The following SCAF1 variants were observed in gnomAD, a reference collection of about 807,000 sequenced individuals.
SCAF1 encodes the protein splicing factor, arginine/serine-rich 19.
Under a neutral mutation model 91.2 loss-of-function variants are expected in SCAF1, and 28 were observed. The observed-to-expected ratio is 0.31, with a 90% CI of 0.23 to 0.42. The LOEUF is 0.42. SCAF1 is among the 10% of genes least tolerant of loss of function. SCAF1 has a pLI of 1.00. For synonymous variants in SCAF1, 1,036 were observed against 833.7 expected, an observed-to-expected ratio of 1.24 and a Z score of -4.18; for missense variants, 1,893 against 1,872.1, an observed-to-expected ratio of 1.01 and a Z score of -0.21.
chr19:49,657,995 G>T (rs918677362), intron 10 of SCAF1, 106 bp downstream of exon 10: 1 of 1,442,874 alleles, frequency 6.9e-7, no homozygotes, highest in Admixed American at 2.1e-5. Context: ...GAGGAGGTCA[G>T]TCTGGGAGGT....
At position 49,646,975 on chromosome 19, in the gene SCAF1, G is replaced by T; in HGVS notation, c.478+145G>T. 1 of 655,290 alleles carries T rather than the reference G, an allele frequency of 1.5e-6. No individual in the cohort carries two copies. Among genetic ancestry groups the T allele is most frequent in the Non-Finnish European group, 2.6e-6 (1 of 385,658 alleles). 40.6% of individuals were successfully genotyped at this position (655,290 alleles called of 1,614,324 possible). A position where few individuals can be genotyped will look rare whatever the true frequency, so the allele number is the denominator to read the frequency against. The stretch of plus-strand genomic sequence containing the variant: ...GTATTAGACGTGATTAAGGCTGTAG[G>T]CGCATACAGATGTACATAAAGTAAA... On this transcript the variant is annotated intron_variant, in intron 6 of 10. Transcript: ENST00000360565. This position sits in a 1 kb window ranked among gnomAD's most constrained non-coding sequence, Gnocchi z 5.6.
Position 49,657,760 on chromosome 19 carries a change from G to A in SCAF1, c.3619-1G>A, listed in dbSNP as rs1364155173. The A allele has an allele frequency of 6.3e-7, 1 of 1,599,258 alleles. No homozygotes were observed. The highest frequency in any genetic ancestry group is 2.3e-5 in the East Asian group (1 of 44,332). On this transcript the variant is annotated splice_acceptor_variant, in intron 9 of 10. Transcript: ENST00000360565. LOFTEE classifies it high-confidence loss of function. ...TTCCCCCGCTGTCGCCACCCCACCAGTATCTGAAGAAGCTGCACACGCAGG... is the reference window on the plus strand; with the variant it reads ...TTCCCCCGCTGTCGCCACCCCACCAATATCTGAAGAAGCTGCACACGCAGG...
rs1257141798 is a variant in SCAF1 at position 49,645,774 on chromosome 19, C to T, written c.167-334C>T. ...CAGGCCTACAGCACGGGTGCAGCGG[C>T]GAGGGGCTGCGCTGGGCTTCCTTGG... On this transcript the variant is annotated intron_variant, in intron 3 of 10. Transcript: ENST00000360565. This position sits in a 1 kb window ranked among gnomAD's most constrained non-coding sequence, Gnocchi z 4.6. Among the ~76,000 whole-genome samples the T allele has an allele frequency of 2.0e-5, 3 of 152,038 alleles. No homozygotes were observed. Among genetic ancestry groups the T allele is most frequent in the Non-Finnish European group, 2.9e-5 (2 of 67,988 alleles).
chr19:49,645,665 C>G lies in SCAF1; in HGVS notation c.166+254C>G, dbSNP rs1031082691. Among the ~76,000 whole-genome samples, 2 of 152,170 alleles carry G rather than the reference C, an allele frequency of 1.3e-5. No homozygotes were observed. The highest frequency in any genetic ancestry group is 4.8e-5 in the African/African-American group (2 of 41,442). On this transcript the variant is annotated intron_variant, in intron 3 of 10. Transcript: ENST00000360565. This position sits in a 1 kb window ranked among gnomAD's most constrained non-coding sequence, Gnocchi z 4.6. ...GTGGGAGACGGGTCAGGGCACCTTC[C>G]CCGAGCAGGGACAGTGAACGGCTCT...
Position 49,651,843 on chromosome 19 carries a change from A to G in SCAF1, c.1454A>G (p.Lys485Arg). The G allele has an allele frequency of 8.0e-7, 1 of 1,251,426 alleles. No individual in the cohort carries two copies. The allele number at this position is 1,251,426 out of a possible 1,614,324, so 77.5% of individuals were successfully genotyped here. Residue 485 changes from lysine (K) to arginine (R), a missense_variant, in exon 7 of 11, where the codon AAG (lysine) becomes AGG (arginine). This residue lies in a region of SCAF1 where 1,436 missense variants were observed against 1,306.8 expected (regional missense o/e 1.10). Coordinates refer to ENST00000360565, the MANE Select transcript of SCAF1 (RefSeq NM_021228.3). ...SRWGGLDLRRKILTQRRERYR... is the reference protein window; with the variant it reads ...SRWGGLDLRRRILTQRRERYR... ...TGGGGCGGCCTGGACCTGCGCCGCAAGATCCTGACCCAACGGCGGGAGCGC... is the reference window on the plus strand; with the variant it reads ...TGGGGCGGCCTGGACCTGCGCCGCAGGATCCTGACCCAACGGCGGGAGCGC...
At chr19:49,654,265 A>G in intron 7 of SCAF1, 84 bp from the exon 8 acceptor site, 1 of 1,168,036 alleles carries the variant, frequency 8.6e-7, no homozygotes, top group Non-Finnish European at 1.3e-6. Context: ...GCAGGAGATG[A>G]CAGCAGGTGT....
Position 49,658,201 on chromosome 19 carries a change from C to G in SCAF1, c.3748-7C>G. 1.2e-6 allele frequency: 2 copies of G among 1,609,144 alleles called. No homozygotes were observed. Among genetic ancestry groups the G allele is most frequent in the Non-Finnish European group, 1.7e-6 (2 of 1,176,620 alleles). ...GGTGGTGACTCCAACTGTCCCCGGC[C>G]CCCCAGATCTGCCACAGCAAAAGTG... On this transcript the variant is annotated splice_region_variant and splice_polypyrimidine_tract_variant and intron_variant, in intron 10 of 10. Coordinates refer to ENST00000360565, the MANE Select transcript of SCAF1 (RefSeq NM_021228.3).
At chr19:49,647,069 T>C (rs2081060090) in intron 6 of SCAF1, among the ~76,000 whole-genome samples, 1 of 152,238 alleles carries the variant, frequency 6.6e-6, no homozygotes, top group African/African-American at 2.4e-5. Flanking sequence ...CGCTAAGTAT[T>C]AGTGTCACTG....
intron 8 of SCAF1, 61 bp from the exon 9 acceptor site, chr19:49,654,591 G>T (rs2081126607): frequency 1.4e-6 from 2 of 1,398,506 alleles, no homozygotes; most frequent in African/African-American, 2.8e-5. Flanking sequence ...ACAGTGGGGT[G>T]CACGTCCCCT....
At position 49,652,338 on chromosome 19, in the gene SCAF1, G is replaced by A. The variant is rs868253557; in HGVS notation, c.1949G>A (p.Arg650Gln). 1.3e-6 allele frequency: 2 copies of A among 1,536,332 alleles called. No homozygotes were observed. The highest frequency in any genetic ancestry group is 2.5e-5 in the East Asian group (1 of 40,622). Reference sequence around the variant, plus strand: ...AAGAAGAAGAAGCGGTCGCGGTCCCGGGGTGAGAAGCGGTCTGGGGATGGC... The same window carrying A: ...AAGAAGAAGAAGCGGTCGCGGTCCCAGGGTGAGAAGCGGTCTGGGGATGGC... ...SKKKKKRSRS[R>Q]GEKRSGDGSE... Residue 650 changes from arginine to glutamine, a missense_variant, in exon 7 of 11, where the codon CGG (arginine) becomes CAG (glutamine). Physicochemically the swap from Arg to Gln is conservative, Grantham distance 43. Around this residue, in one of 5 missense-constraint regions of SCAF1, gnomAD observed 1,436 missense variants for 1,306.8 expected, o/e 1.10. Transcript: ENST00000360565.
At chr19:49,655,932 A>G (rs1183240743) in intron 9 of SCAF1, among the ~76,000 whole-genome samples, 4 of 152,180 alleles carry the variant, frequency 2.6e-5, no homozygotes, top group Non-Finnish European at 2.9e-5. Context: ...CAGCCTCCCA[A>G]AGTGCTGGGA....
chr19:49,651,411 C>A lies in SCAF1; in HGVS notation c.1022C>A (p.Ser341Tyr). 2.5e-6 allele frequency: 4 copies of A among 1,606,120 alleles called. No individual in the cohort carries two copies. Among genetic ancestry groups the A allele is most frequent in the Non-Finnish European group, 3.4e-6 (4 of 1,177,536 alleles). ...CCTGGAACGCCGCCCCAGGTGGACT[C>A]CACCCGGGCTGATGGAGCCATGCGC... The part of the protein sequence containing the change: ...PAPGTPPQVD[S>Y]TRADGAMRRR... Residue 341 changes from serine to tyrosine, a missense_variant, in exon 7 of 11, where the codon TCC (serine) becomes TAC (tyrosine). Transcript: ENST00000360565.
Position 49,658,457 on chromosome 19 carries a change from TCCACCTCC to T in SCAF1, c.*68_*75del, listed in dbSNP as rs2081162039. ...TTGAAACTCTGGACGTATTTATGGC[TCCACCTCC>T]CCACCTCCCTCCCCCGTCAGTGGGA... On this transcript the variant is annotated 3_prime_UTR_variant, in exon 11 of 11. Coordinates refer to ENST00000360565, the MANE Select transcript of SCAF1 (RefSeq NM_021228.3). The T allele has an allele frequency of 1.0e-6, 1 of 953,334 alleles. No homozygotes were observed. The highest frequency in any genetic ancestry group is 1.6e-6 in the Non-Finnish European group (1 of 644,544). 59.1% of individuals were successfully genotyped at this position (953,334 alleles called of 1,614,324 possible). A position where few individuals can be genotyped will look rare whatever the true frequency, so the allele number is the denominator to read the frequency against.
At position 49,651,802 on chromosome 19, in the gene SCAF1, C is replaced by T. The variant is rs1343142371; in HGVS notation, c.1413C>T (p.Pro471=). ...VDLGEPAPAP[P]AADSRWGGLD... ...TAGGGGAGCCGGCTCCCGCGCCGCCCGCCGCCGACTCGCGCTGGGGCGGCC... is the reference window on the plus strand; with the variant it reads ...TAGGGGAGCCGGCTCCCGCGCCGCCTGCCGCCGACTCGCGCTGGGGCGGCC... Residue 471 remains proline (P), a synonymous_variant, in exon 7 of 11, where the codon CCC becomes CCT. Transcript: ENST00000360565. 8 of 1,269,554 alleles carry T rather than the reference C, an allele frequency of 6.3e-6. No homozygotes were observed. The South Asian group carries it at 1.1e-4, about 17-fold the overall frequency. The allele number at this position is 1,269,554 out of a possible 1,614,324, so 78.6% of individuals were successfully genotyped here.
chr19:49,652,828 C>G lies in SCAF1; in HGVS notation c.2439C>G (p.Val813=). The change falls in exon 7 of 11, where the codon GTC becomes GTG. Residue 813 remains valine (V), a synonymous_variant. Coordinates refer to ENST00000360565, the MANE Select transcript of SCAF1 (RefSeq NM_021228.3). ...PSSGPPPKPP[V]SSGSGSSSSS... is the part of the protein sequence containing the mutation. ...CAGGGCCCCCGCCAAAGCCACCAGT[C>G]AGCAGCGGCTCAGGCTCTTCATCCT... 1 of 1,614,054 alleles carries G rather than the reference C, an allele frequency of 6.2e-7. No homozygotes were observed. Among genetic ancestry groups the G allele is most frequent in the Non-Finnish European group, 8.5e-7 (1 of 1,179,994 alleles).
At position 49,651,630 on chromosome 19, in the gene SCAF1, GCCGGGCCGC is replaced by G; in HGVS notation, c.1246_1254del (p.Ala416_Arg418del). ...GCGCTGTCCCTCTTCCGCCCCGGCG[GCCGGGCCGC>G]CCGGCCTACACCGGCCGCCTCGGCC... On this transcript the variant is annotated inframe_deletion, in exon 7 of 11. Coordinates refer to ENST00000360565, the MANE Select transcript of SCAF1 (RefSeq NM_021228.3). 1 of 1,448,230 alleles carries G rather than the reference GCCGGGCCGC, an allele frequency of 6.9e-7. No homozygotes were observed. The highest frequency in any genetic ancestry group is 1.4e-5 in the South Asian group (1 of 70,290). The allele number at this position is 1,448,230 out of a possible 1,614,324, so 89.7% of individuals were successfully genotyped here. A position where few individuals can be genotyped will look rare whatever the true frequency, so the allele number is the denominator to read the frequency against.
At chr19:49,647,326 G>A (rs1367319473) in intron 6 of SCAF1, among the ~76,000 whole-genome samples, 1 of 152,334 alleles carries the variant, frequency 6.6e-6, no homozygotes, top group East Asian at 1.9e-4. Context: ...GAGCCCTTTA[G>A]ACCAAACGCG....
In SCAF1 at chr19:49,651,914, G is replaced by C. The variant is rs2081094840; in HGVS notation, c.1525G>C (p.Ala509Pro). The change falls in exon 7 of 11, where the codon GCC (alanine) becomes CCC (proline). Residue 509 changes from alanine to proline, a missense_variant. Physicochemically the swap from Ala to Pro is conservative, Grantham distance 27 (BLOSUM62 -1). Transcript: ENST00000360565. ...PSPAPAPAPA[A>P]AAGPPTRKKS... ...CCCGGCGCCCGCGCCCGCCCCGGCC[G>C]CCGCTGCTGGTCCGCCCACGCGCAA... 1.7e-6 allele frequency: 2 copies of C among 1,150,736 alleles called. No individual in the cohort carries two copies. Among genetic ancestry groups the C allele is most frequent in the African/African-American group, 3.4e-5 (2 of 57,984 alleles). 71.3% of individuals were successfully genotyped at this position (1,150,736 alleles called of 1,614,324 possible).
chr19:49,658,533 C>G lies in SCAF1; in HGVS notation c.*134C>G, dbSNP rs1000539579. ...CTGCAGGGAAGAGGAGAGCCCCCTG[C>G]CCTGCCCTGCCCCGTGTCCACCTCC... On this transcript the variant is annotated 3_prime_UTR_variant, in exon 11 of 11. Transcript: ENST00000360565. 4.8e-6 allele frequency: 3 copies of G among 627,274 alleles called. No individual in the cohort carries two copies. The highest frequency in any genetic ancestry group is 8.4e-6 in the Non-Finnish European group (3 of 357,236). 38.9% of individuals were successfully genotyped at this position (627,274 alleles called of 1,614,324 possible).
Sources: gnomAD v4.1 joint callset for allele counts (sites outside exome capture counted in the v4.1 genomes callset) on GRCh38, gnomAD v4.1.1 for gene constraint, gnomAD v4.1.1 regional missense constraint, Gnocchi (gnomAD v3.1) non-coding constraint, MANE v1.5 for transcripts, NCBI Gene and HGNC (gene_info 2026-07-23, HGNC 2026-07-21) for gene names.